ACTR3C: variants seen among roughly 807,000 people sequenced by gnomAD.
ACTR3C encodes the protein actin-related protein 3C.
ACTR3C carries 18 observed loss-of-function variants against 26.3 expected under a neutral mutation model. The ratio of observed to expected loss-of-function variants is 0.68; its 90% CI spans 0.47 to 1.01. The LOEUF (loss-of-function observed/expected upper bound fraction) is 1.01. Among genes scored for constraint, ACTR3C ranks in the 50% least tolerant of loss-of-function variants. The pLI is 0.00. For missense variants in ACTR3C, 184 were observed against 250.7 expected (o/e 0.73, Z 1.80); for synonymous variants, 55 against 94.5 (o/e 0.58, Z 2.42).
the ACTR3C span, among the ~76,000 whole-genome samples, chr7:150,039,120 C>A: frequency 6.6e-6 from 1 of 150,540 alleles, no homozygotes; most frequent in Middle Eastern, 3.5e-3. Flanking sequence ...TCCTAAGGAT[C>A]TTAGGATCAA....
At chr7:150,039,799 C>T in the ACTR3C span, among the ~76,000 whole-genome samples, 2 of 131,958 alleles carry the variant, frequency 1.5e-5, no homozygotes, top group Admixed American at 1.5e-4. Flanking sequence ...GGGACTGGCT[C>T]TCAGTCCCTG....
chr7:150,043,935 A>G, the ACTR3C span, among the ~76,000 whole-genome samples: 2 of 152,206 alleles, frequency 1.3e-5, no homozygotes, highest in Admixed American at 6.5e-5. Context: ...GGAGGAAAAA[A>G]GATTGGTTGG....
chr7:150,213,363 A>G, the ACTR3C span, among the ~76,000 whole-genome samples: 3 of 152,202 alleles, frequency 2.0e-5, no homozygotes, highest in African/African-American at 4.8e-5. Flanking sequence ...CCTGTGAGTC[A>G]GTGGCTGATC....
At chr7:150,177,224 T>C in the ACTR3C span, among the ~76,000 whole-genome samples, 1 of 150,442 alleles carries the variant, frequency 6.6e-6, no homozygotes, top group Admixed American at 6.6e-5. Flanking sequence ...TTTTAGTTCA[T>C]AAAAATTAGT....
At chr7:150,278,461 G>A (rs1835062282) in intron 6 of ACTR3C, among the ~76,000 whole-genome samples, 1 of 152,208 alleles carries the variant, frequency 6.6e-6, no homozygotes, top group Admixed American at 6.5e-5. Flanking sequence ...TCATACTCCT[G>A]TCCACACGGA....
At chr7:150,008,671 C>A in the ACTR3C span, among the ~76,000 whole-genome samples, 1 of 150,232 alleles carries the variant, frequency 6.7e-6, no homozygotes, top group Non-Finnish European at 1.5e-5. Flanking sequence ...GGCCACATCC[C>A]CCAGTGACCC....
the ACTR3C span, among the ~76,000 whole-genome samples, chr7:150,034,419 T>C: frequency 6.6e-6 from 1 of 151,526 alleles, no homozygotes; most frequent in Non-Finnish European, 1.5e-5. Context: ...AAGATTTTCT[T>C]GTAACTCATG....
chr7:150,297,500 A>C (rs1271329506), intron 1 of ACTR3C, among the ~76,000 whole-genome samples: 3 of 152,138 alleles, frequency 2.0e-5, no homozygotes, highest in Admixed American at 6.5e-5. Flanking sequence ...AGAAGAATGC[A>C]GAAAGTCCAG....
chr7:149,917,512 A>G, the ACTR3C span, among the ~76,000 whole-genome samples: 1 of 152,186 alleles, frequency 6.6e-6, no homozygotes. Context: ...TTGACTCAAC[A>G]TATTTATATA....
chr7:150,064,649 TACACACACACACACACAC>T, the ACTR3C span, among the ~76,000 whole-genome samples: 1 of 145,138 alleles, frequency 6.9e-6, no homozygotes, highest in Non-Finnish European at 1.5e-5. Flanking sequence ...TATTTTCACA[TACACACACACACACACAC>T]ACACACACAC....
At chr7:150,312,114 G>A (rs1258965848) in intron 1 of ACTR3C, among the ~76,000 whole-genome samples, 1 of 152,122 alleles carries the variant, frequency 6.6e-6, no homozygotes, top group East Asian at 1.9e-4. Flanking sequence ...AATAGCCAAG[G>A]AAATAACCAA....
chr7:150,282,087 C>T (rs1835386461), intron 6 of ACTR3C, among the ~76,000 whole-genome samples: 1 of 143,064 alleles, frequency 7.0e-6, no homozygotes, highest in Non-Finnish European at 1.5e-5. Flanking sequence ...GAAAGAAGTC[C>T]CTTTCTTCGT....
chr7:150,036,080 CT>C, the ACTR3C span, among the ~76,000 whole-genome samples: 3 of 46,924 alleles, frequency 6.4e-5, no homozygotes, highest in Admixed American at 1.9e-4. Context: ...GCGAGGGGTG[CT>C]CCCCCCCCTG....
chr7:150,185,338 G>T, the ACTR3C span, among the ~76,000 whole-genome samples: 3 of 151,648 alleles, frequency 2.0e-5, no homozygotes, highest in South Asian at 6.2e-4. Flanking sequence ...CTGGGCGAAA[G>T]GGCCAAAACT....
At chr7:150,052,601 TAC>T in the ACTR3C span, among the ~76,000 whole-genome samples, 1 of 128,230 alleles carries the variant, frequency 7.8e-6, no homozygotes, top group Non-Finnish European at 1.7e-5. Context: ...GCTTGGATCT[TAC>T]ACAGTTCAAA....
the ACTR3C span, among the ~76,000 whole-genome samples, chr7:149,996,171 C>T: frequency 2.8e-3 from 427 of 152,280 alleles, no homozygotes; most frequent in African/African-American, 9.8e-3. Context: ...CGGAAGCCCT[C>T]GGAAGGCCAG....
the ACTR3C span, among the ~76,000 whole-genome samples, chr7:150,148,224 A>G: frequency 9.2e-5 from 14 of 151,804 alleles, no homozygotes; most frequent in African/African-American, 3.4e-4. Context: ...CATGCCTGTA[A>G]TCCCAGCAAT....
the ACTR3C span, among the ~76,000 whole-genome samples, chr7:150,100,190 G>A: frequency 1.3e-5 from 2 of 151,494 alleles, 1 homozygote; most frequent in Non-Finnish European, 2.9e-5. Context: ...GCCTACTTGA[G>A]CCCTCCATAA....
the ACTR3C span, among the ~76,000 whole-genome samples, chr7:150,163,176 A>AG: frequency 1.7e-4 from 26 of 151,634 alleles, no homozygotes; most frequent in African/African-American, 5.1e-4. Flanking sequence ...AAAAAGTACT[A>AG]GGGATTATAG....
Sources: allele counts gnomAD v4.1 joint callset (sites outside exome capture counted in the v4.1 genomes callset), GRCh38; gene constraint gnomAD v4.1.1; transcripts MANE v1.5; gene names NCBI Gene and HGNC (gene_info 2026-07-23, HGNC 2026-07-21).